Variants in BTBD2 observed in about 807,000 individuals in gnomAD.
The protein encoded by BTBD2 is BTB domain containing 2, also known as BTB/POZ domain-containing protein 2.
Under a neutral mutation model 44.0 loss-of-function variants are expected in BTBD2, and 15 were observed. The ratio of observed to expected loss-of-function variants is 0.34; its 90% CI spans 0.23 to 0.53. The LOEUF is 0.53. BTBD2 is among the 20% of genes least tolerant of loss of function. BTBD2 has a pLI of 0.95. For missense variants in BTBD2, 657 were observed against 746.4 expected (o/e 0.88, Z 1.39); for synonymous variants, 443 against 335.9 (o/e 1.32, Z -3.49).
chr19:1,993,200 G>C (rs778496306), intron 2 of BTBD2, 24 bp from the exon 3 acceptor site: 1 of 1,581,968 alleles, frequency 6.3e-7, no homozygotes, highest in Non-Finnish European at 8.5e-7. Flanking sequence ...GCGGGTGGCC[G>C]TGAGGTGGGA....
intron 1 of BTBD2, among the ~76,000 whole-genome samples, chr19:2,010,123 G>A (rs919859991): frequency 1.3e-4 from 20 of 152,328 alleles, no homozygotes; most frequent in Admixed American, 4.6e-4. Flanking sequence ...CTGGACTCCA[G>A]CCTGGGCAAC....
chr19:1,986,824 G>A lies in BTBD2; in HGVS notation c.1416+6C>T. Reference sequence around the variant, plus strand: ...CACGGAGGGACCCCTGTCCCCGGCGGCGCACCTTGAGCGTGGCACAGGCCG... The same window carrying A: ...CACGGAGGGACCCCTGTCCCCGGCGACGCACCTTGAGCGTGGCACAGGCCG... On this transcript the variant is annotated splice_donor_region_variant and intron_variant, in intron 8 of 8. Transcript: ENST00000255608. 2.5e-6 allele frequency: 4 copies of A among 1,601,078 alleles called. No individual in the cohort carries two copies. The highest frequency in any genetic ancestry group is 3.4e-6 in the Non-Finnish European group (4 of 1,173,278).
At chr19:2,000,263 A>G (rs2016312436) in intron 1 of BTBD2, among the ~76,000 whole-genome samples, 1 of 150,560 alleles carries the variant, frequency 6.6e-6, no homozygotes, top group South Asian at 2.1e-4. Context: ...TCAAGGGCCC[A>G]GGCCTCAGGG....
chr19:2,012,303 C>T (rs2016476323), intron 1 of BTBD2, among the ~76,000 whole-genome samples: 1 of 150,932 alleles, frequency 6.6e-6, no homozygotes, highest in Non-Finnish European at 1.5e-5. Context: ...CAGGTGTGCG[C>T]CACCACGCCC....
chr19:2,009,004 C>T (rs1239397478), intron 1 of BTBD2, among the ~76,000 whole-genome samples: 1 of 148,962 alleles, frequency 6.7e-6, no homozygotes, highest in African/African-American at 2.5e-5. Context: ...AATGTGAGAC[C>T]CCAGAACACA....
chr19:2,007,878 G>A (rs1442670042), intron 1 of BTBD2, among the ~76,000 whole-genome samples: 1 of 152,138 alleles, frequency 6.6e-6, no homozygotes, highest in African/African-American at 2.4e-5. Context: ...GGAAGGAGAT[G>A]TTTTTCTGTC....
In BTBD2 at chr19:1,987,507, G is replaced by T. The variant is rs760511373; in HGVS notation, c.1174C>A (p.Arg392Ser). The T allele has an allele frequency of 6.3e-7, 1 of 1,576,838 alleles. No individual in the cohort carries two copies. The highest frequency in any genetic ancestry group is 1.4e-5 in the African/African-American group (1 of 72,568). ...CTGCACCCCAAGCCCCACCTGATGC[G>T]GTCACTGGTCCCGCTGTAGCCCCAG... ...SRWGYSGTSD[R>S]IRFSVNKRIF... The change falls in exon 6 of 9, where the codon CGC becomes AGC. Residue 392 changes from arginine to serine, a missense_variant. Transcript: ENST00000255608.
chr19:1,999,289 G>A (rs1291300968), intron 1 of BTBD2, among the ~76,000 whole-genome samples: 5 of 152,220 alleles, frequency 3.3e-5, no homozygotes, highest in South Asian at 4.1e-4. Context: ...GAGGCCCGGC[G>A]GAAACAGGCC....
intron 1 of BTBD2, among the ~76,000 whole-genome samples, chr19:1,999,092 C>T (rs887921530): frequency 3.3e-5 from 5 of 152,128 alleles, no homozygotes; most frequent in South Asian, 2.1e-4. Flanking sequence ...GGAAAGCCCC[C>T]GTCTTCCGAG....
intron 1 of BTBD2, among the ~76,000 whole-genome samples, chr19:2,012,820 C>T (rs1249500562): frequency 2.6e-5 from 4 of 152,190 alleles, no homozygotes; most frequent in South Asian, 2.1e-4. Context: ...CAAGTGCAAT[C>T]GCATACATGT....
At chr19:2,011,300 C>G (rs570421434) in intron 1 of BTBD2, among the ~76,000 whole-genome samples, 1 of 152,048 alleles carries the variant, frequency 6.6e-6, no homozygotes, top group African/African-American at 2.4e-5. Flanking sequence ...TCATTTCTGC[C>G]GTCCCCACCG....
At chr19:1,996,339 A>G (rs1186264143) in intron 2 of BTBD2, among the ~76,000 whole-genome samples, 1 of 152,122 alleles carries the variant, frequency 6.6e-6, no homozygotes, top group Non-Finnish European at 1.5e-5. Context: ...TTTGCAAAAA[A>G]CAGTAATTCT....
At position 1,986,160 on chromosome 19, in the gene BTBD2, C is replaced by T. The variant is rs1015453859; in HGVS notation, c.*328G>A. 6 of 348,006 alleles carry T rather than the reference C, an allele frequency of 1.7e-5. No homozygotes were observed. Among genetic ancestry groups the T allele is most frequent in the East Asian group, 5.3e-5 (1 of 18,906 alleles). 21.6% of individuals were successfully genotyped at this position (348,006 alleles called of 1,614,324 possible). On this transcript the variant is annotated 3_prime_UTR_variant, in exon 9 of 9. Transcript: ENST00000255608. ...GCGAGGGACGCCCGCGGCGCACCGC[C>T]GGCAGACGACGTGGGCAGGCGCCCT...
At chr19:1,997,295 C>T (rs1374336386) in intron 2 of BTBD2, 49 bp downstream of exon 2, 1 of 1,611,430 alleles carries the variant, frequency 6.2e-7, no homozygotes, top group African/African-American at 1.3e-5. Flanking sequence ...TCTCTGAGGT[C>T]CCCCTCCCCA....
chr19:1,991,923 TTTTC>T (rs2016185072), intron 3 of BTBD2: 2 of 151,878 alleles, frequency 1.3e-5, no homozygotes, highest in Admixed American at 1.3e-4. Flanking sequence ...TGGTTTTTTT[TTTTC>T]TTTTTTTTTA....
At chr19:2,010,075 C>G (rs2016444917) in intron 1 of BTBD2, among the ~76,000 whole-genome samples, 2 of 152,260 alleles carry the variant, frequency 1.3e-5, no homozygotes, top group South Asian at 4.1e-4. Flanking sequence ...TGGCATGAAC[C>G]TGGGAGGCGG....
At chr19:2,012,795 G>A (rs117683714) in intron 1 of BTBD2, among the ~76,000 whole-genome samples, 5,758 of 152,198 alleles carry the variant, frequency 0.038, 170 homozygotes, top group South Asian at 0.13. Flanking sequence ...CTTTGCAACC[G>A]AGCCAGCGGT....
At chr19:2,008,154 GCCA>G (rs1418823332) in intron 1 of BTBD2, among the ~76,000 whole-genome samples, 2 of 151,898 alleles carry the variant, frequency 1.3e-5, no homozygotes, top group Non-Finnish European at 2.9e-5. Context: ...ACAGGCACCT[GCCA>G]CCACGCCTGG....
At chr19:2,005,974 G>T (rs1226736022) in intron 1 of BTBD2, among the ~76,000 whole-genome samples, 1 of 151,608 alleles carries the variant, frequency 6.6e-6, no homozygotes, top group South Asian at 2.1e-4. Flanking sequence ...TATAGTCCCA[G>T]CTACTTGGGA....
Sources: gnomAD v4.1 joint callset for allele counts (sites outside exome capture counted in the v4.1 genomes callset) on GRCh38, gnomAD v4.1.1 for gene constraint, MANE v1.5 for transcripts, NCBI Gene and HGNC (gene_info 2026-07-23, HGNC 2026-07-21) for gene names.